Variants in USH1C observed in about 807,000 individuals in gnomAD.
The protein encoded by USH1C is USH1 protein network component harmonin.
In USH1C, 90 loss-of-function variants were observed where a neutral mutation model predicts 119.3. That is an observed-to-expected ratio of 0.75 (90% CI 0.64 to 0.90). The LOEUF (loss-of-function observed/expected upper bound fraction) is 0.90, where lower values mean the gene tolerates loss of function less well. Among genes scored for constraint, USH1C ranks in the 40% least tolerant of loss-of-function variants. The pLI is 0.00. For missense variants in USH1C, 1,165 were observed against 1,167.7 expected, an observed-to-expected ratio of 1.00 and a Z score of 0.03; for synonymous variants, 465 against 443.3, an observed-to-expected ratio of 1.05 and a Z score of -0.62.
intron 19 of USH1C, 72 bp from the exon 20 acceptor site, chr11:17,504,769 G>A: frequency 6.5e-7 from 1 of 1,537,016 alleles, no homozygotes. Flanking sequence ...CTGGTGCCAG[G>A]CTTCGGGCCT....
At chr11:17,525,536 A>G (rs1177378758) in intron 8 of USH1C, among the ~76,000 whole-genome samples, 1 of 152,208 alleles carries the variant, frequency 6.6e-6, no homozygotes, top group African/African-American at 2.4e-5. Flanking sequence ...TTATAGAGGG[A>G]GAAACTGAGG....
In USH1C at chr11:17,509,610, G is replaced by T; in HGVS notation, c.1759C>A (p.His587Asn). Reference sequence around the variant, plus strand: ...CATGGAGAGGATGAGGCGCTCACATGGCCAGATAAGGGAAGGACAGGGGGC... The same window carrying T: ...CATGGAGAGGATGAGGCGCTCACATTGCCAGATAAGGGAAGGACAGGGGGC... The part of the protein sequence containing the change: ...PAPPVLPLSG[H>N]VSASSSPWVQ... The change falls in exon 18 of 27, where the codon CAT becomes AAT. Residue 587 changes from histidine (H) to asparagine (N), a missense_variant. By Grantham distance (68) the His-to-Asn change is moderately conservative. Transcript: ENST00000005226. The T allele has an allele frequency of 1.9e-6, 3 of 1,599,292 alleles. No individual in the cohort carries two copies. The highest frequency in any genetic ancestry group is 2.6e-6 in the Non-Finnish European group (3 of 1,175,476).
At chr11:17,520,734 C>A in intron 14 of USH1C, 136 bp downstream of exon 14, 2 of 1,082,608 alleles carry the variant, frequency 1.8e-6, no homozygotes, top group Non-Finnish European at 2.8e-6. Context: ...GTCTCTGACC[C>A]ACAGCTGCCC....
chr11:17,504,319 G>A (rs890820340), intron 20 of USH1C, among the ~76,000 whole-genome samples: 3 of 152,224 alleles, frequency 2.0e-5, no homozygotes, highest in African/African-American at 7.2e-5. Flanking sequence ...GCTGGAGCGA[G>A]GGCCCATCTT....
chr11:17,508,044 C>T (rs2133812031), intron 18 of USH1C, among the ~76,000 whole-genome samples: 1 of 152,256 alleles, frequency 6.6e-6, no homozygotes, highest in South Asian at 2.1e-4. Flanking sequence ...GCTCCCCTCT[C>T]CCCTTCACAG....
chr11:17,529,239 T>C (rs1002786353), intron 4 of USH1C, among the ~76,000 whole-genome samples: 6 of 152,230 alleles, frequency 3.9e-5, no homozygotes, highest in African/African-American at 1.2e-4. Flanking sequence ...GCAAGTTGTA[T>C]GTCACAGGCT....
At chr11:17,526,068 G>A (rs1224189969) in intron 8 of USH1C, among the ~76,000 whole-genome samples, 1 of 152,106 alleles carries the variant, frequency 6.6e-6, no homozygotes, top group African/African-American at 2.4e-5. Context: ...GGGTATGGCA[G>A]TGTGTTCCTG....
Position 17,494,192 on chromosome 11 carries a change from G to T in USH1C, c.*140C>A. ...CCGAGCTGTTCCTTATCTGGCCCTG[G>T]TTCAGGGCCAAAGGGAGTTTGAGAT... is the stretch of plus-strand genomic sequence containing the variant. On this transcript the variant is annotated 3_prime_UTR_variant, in exon 27 of 27. Coordinates refer to ENST00000005226, the MANE Select transcript of USH1C (RefSeq NM_153676.4). 9.1e-7 allele frequency: 1 copy of T among 1,102,178 alleles called. No homozygotes were observed. Among genetic ancestry groups the T allele is most frequent in the South Asian group, 1.3e-5 (1 of 74,736 alleles). The allele number at this position is 1,102,178 out of a possible 1,614,324, so 68.3% of individuals were successfully genotyped here. A position where few individuals can be genotyped will look rare whatever the true frequency, so the allele number is the denominator to read the frequency against.
In USH1C at chr11:17,499,407, A is replaced by C. The variant is rs113042041; in HGVS notation, c.2381-1136T>G. On this transcript the variant is annotated intron_variant, in intron 23 of 26. Coordinates refer to ENST00000005226, the MANE Select transcript of USH1C (RefSeq NM_153676.4). ...GAAAGCAGTTGCCTCTGTGCAGTGC[A>C]ACTGGGGATGGGTGACTTTCACCTT... 4.8e-3 allele frequency among the ~76,000 whole-genome samples: 727 copies of C among 152,342 alleles called. 11 individuals carry two copies. The highest frequency in any genetic ancestry group is 0.017 in the African/African-American group (692 of 41,578).
Position 17,544,384 on chromosome 11 carries a change from G to A in USH1C, c.-77C>T. On this transcript the variant is annotated 5_prime_UTR_variant, in exon 1 of 27. Transcript: ENST00000005226. ...CGGCTGCCAGGAGCTGGAAAGAGCC[G>A]CGACCGCGACCGGGCCAGCCGCCCT... 1 of 1,601,914 alleles carries A rather than the reference G, an allele frequency of 6.2e-7. No homozygotes were observed. Among genetic ancestry groups the A allele is most frequent in the Admixed American group, 1.7e-5 (1 of 59,518 alleles).
chr11:17,531,314 T>A lies in USH1C; in HGVS notation c.249-22A>T, dbSNP rs1266287643. On this transcript the variant is annotated intron_variant, in intron 3 of 26. Coordinates refer to ENST00000005226, the MANE Select transcript of USH1C (RefSeq NM_153676.4). The surrounding 1 kb of genome is among the most constrained non-coding windows in gnomAD (Gnocchi z 4.2). ...CTTCCTGCCACACAGGAGAGGTCGG[T>A]GATGGTGCAGCTTGGCTGCCAGCAC... is the stretch of plus-strand genomic sequence containing the variant. 1.9e-6 allele frequency: 3 copies of A among 1,613,922 alleles called. No homozygotes were observed. In the African/African-American group the frequency reaches 4.0e-5, roughly 22 times the overall value.
At position 17,495,925 on chromosome 11, in the gene USH1C, G is replaced by A. The variant is rs144181355; in HGVS notation, c.2547-248C>T. 1.4e-3 allele frequency among the ~76,000 whole-genome samples: 209 copies of A among 152,152 alleles called. 1 individual carries two copies. Among genetic ancestry groups the A allele is most frequent in the African/African-American group, 4.8e-3 (200 of 41,518 alleles). ...GGCATGGTCAGTGAGTGGGTGAGTG[G>A]TGGGTGGGTGAGGGCTGGGGAGGTG... On this transcript the variant is annotated intron_variant, in intron 25 of 26. Transcript: ENST00000005226.
chr11:17,504,600 C>G lies in USH1C; in HGVS notation c.2184+47G>C, dbSNP rs11827813. ...AAGAAGTGGCACAGAGTGGGAGGGA[C>G]GGGGGTGGTGGGGAGACCTCCAGAC... On this transcript the variant is annotated intron_variant, in intron 20 of 26. Transcript: ENST00000005226. The G allele has an allele frequency of 5.0e-6, 8 of 1,602,466 alleles. No individual in the cohort carries two copies. The East Asian group carries it at 1.6e-4, about 31-fold the overall frequency.
At chr11:17,498,341 AG>A in intron 23 of USH1C, 70 bp from the exon 24 acceptor site, 8 of 1,414,452 alleles carry the variant, frequency 5.7e-6, no homozygotes, top group Non-Finnish European at 8.0e-6. Flanking sequence ...GGCTTGGCAA[AG>A]GGGGGTCATT....
At chr11:17,504,509 A>G in intron 20 of USH1C, 138 bp downstream of exon 20, 1 of 935,546 alleles carries the variant, frequency 1.1e-6, no homozygotes, top group East Asian at 2.4e-5. Flanking sequence ...TGGAGGACAC[A>G]GCTCTGGCCT....
chr11:17,527,235 T>A lies in USH1C; in HGVS notation c.484A>T (p.Ile162Phe). 1 of 1,586,790 alleles carries A rather than the reference T, an allele frequency of 6.3e-7. No individual in the cohort carries two copies. The highest frequency in any genetic ancestry group is 8.6e-7 in the Non-Finnish European group (1 of 1,163,472). ...TGGCCTCACTCACGTCTCACTTTGA[T>A]GGACACAGTTTTCTTGGTTCGAATG... ...NLIRTKKTVS[I>F]KVRHIGLIPV... The change falls in exon 5 of 27, where the codon ATC (isoleucine) becomes TTC (phenylalanine). Residue 162 changes from isoleucine to phenylalanine, a missense_variant. Ile to Phe is a conservative substitution (Grantham distance 21). Coordinates refer to ENST00000005226, the MANE Select transcript of USH1C (RefSeq NM_153676.4).
intron 14 of USH1C, among the ~76,000 whole-genome samples, chr11:17,518,831 C>T (rs1028965257): frequency 3.9e-5 from 6 of 152,226 alleles, no homozygotes; most frequent in Middle Eastern, 3.4e-3. Context: ...ACCTGCCTGA[C>T]CAACATAGTG....
At chr11:17,502,023 C>A in intron 20 of USH1C, 43 bp from the exon 21 acceptor site, 1 of 1,605,730 alleles carries the variant, frequency 6.2e-7, no homozygotes, top group South Asian at 1.1e-5. Context: ...AGCAGAGGGT[C>A]TTGAGGGTCA....
At chr11:17,526,270 G>T in intron 8 of USH1C, 77 bp downstream of exon 8, 1 of 1,247,658 alleles carries the variant, frequency 8.0e-7, no homozygotes, top group Non-Finnish European at 1.2e-6. Context: ...GGAAGTGGCA[G>T]TGAGGAAGGG....
Sources: allele counts gnomAD v4.1 joint callset (sites outside exome capture counted in the v4.1 genomes callset), GRCh38; gene constraint gnomAD v4.1.1; non-coding constraint Gnocchi (gnomAD v3.1); transcripts MANE v1.5; gene names NCBI Gene and HGNC (gene_info 2026-07-23, HGNC 2026-07-21).